The following MAST4 variants were observed in gnomAD, a reference collection of about 807,000 sequenced individuals.
MAST4 encodes the protein microtubule-associated serine/threonine-protein kinase 4.
Under a neutral mutation model 162.7 loss-of-function variants are expected in MAST4, and 89 were observed. The ratio of observed to expected loss-of-function variants is 0.55; its 90% confidence interval spans 0.46 to 0.65. MAST4 has a LOEUF of 0.65. MAST4 is among the 30% of genes least tolerant of loss of function. The pLI, the probability that MAST4 is intolerant of heterozygous loss-of-function variation, is 0.00. For missense variants in MAST4, 3,153 were observed against 3,374.0 expected (o/e 0.93, Z 1.62); for synonymous variants, 1,479 against 1,361.1 (o/e 1.09, Z -1.91).
intron 24 of MAST4, among the ~76,000 whole-genome samples, chr5:67,149,823 C>T (rs1339820405): frequency 6.6e-6 from 1 of 152,186 alleles, no homozygotes; most frequent in Admixed American, 6.5e-5. Flanking sequence ...ATCAGGGGTA[C>T]AAGAGAGGCT....
At chr5:66,872,406 G>A (rs1378455243) in intron 3 of MAST4, among the ~76,000 whole-genome samples, 2 of 152,130 alleles carry the variant, frequency 1.3e-5, no homozygotes, top group Non-Finnish European at 2.9e-5. Context: ...CTGACCTCAG[G>A]TGATCCACCT....
At chr5:66,603,106 C>T (rs2149384178) in intron 1 of MAST4, among the ~76,000 whole-genome samples, 1 of 152,220 alleles carries the variant, frequency 6.6e-6, no homozygotes, top group East Asian at 1.9e-4. Context: ...CCTACAAGTC[C>T]CTTGCCTGAT....
chr5:66,842,660 C>T (rs1299941549), intron 3 of MAST4, among the ~76,000 whole-genome samples: 1 of 152,142 alleles, frequency 6.6e-6, no homozygotes, highest in African/African-American at 2.4e-5. Flanking sequence ...TGGATATTAA[C>T]TTCTGGGTGC....
intron 25 of MAST4, 127 bp from the exon 26 acceptor site, chr5:67,153,331 A>T (rs1581739963): frequency 1.0e-6 from 1 of 956,364 alleles, no homozygotes; most frequent in East Asian, 2.9e-5. Context: ...TAGTAAACGT[A>T]CCTGTTAGAT....
At chr5:67,060,042 C>T (rs1469604553) in intron 5 of MAST4, among the ~76,000 whole-genome samples, 3 of 152,182 alleles carry the variant, frequency 2.0e-5, no homozygotes, top group Non-Finnish European at 2.9e-5. Flanking sequence ...ACAAATAAAA[C>T]TCAGCTTGTA....
chr5:66,837,906 T>A (rs1216415048), intron 3 of MAST4, among the ~76,000 whole-genome samples: 1,573 of 81,158 alleles, frequency 0.019, 9 homozygotes, highest in East Asian at 0.044. Flanking sequence ...TTTTTTTTTT[T>A]TTTTTTTTTT....
intron 23 of MAST4, among the ~76,000 whole-genome samples, chr5:67,148,788 A>G (rs1771413880): frequency 6.6e-6 from 1 of 152,164 alleles, no homozygotes; most frequent in African/African-American, 2.4e-5. Context: ...AAGGAGGCAT[A>G]TGGCCTGAGA....
intron 14 of MAST4, among the ~76,000 whole-genome samples, chr5:67,129,056 A>G (rs192259708): frequency 1.3e-5 from 2 of 152,234 alleles, no homozygotes; most frequent in East Asian, 3.9e-4. Flanking sequence ...CTTTACCTAG[A>G]CATAATTGGC....
At chr5:66,616,375 G>A (rs975231640) in intron 1 of MAST4, among the ~76,000 whole-genome samples, 3 of 152,132 alleles carry the variant, frequency 2.0e-5, no homozygotes, top group Admixed American at 6.5e-5. Flanking sequence ...AGTATGAGAT[G>A]TTCAAATAAT....
At chr5:67,080,695 A>T (rs575213110) in intron 5 of MAST4, among the ~76,000 whole-genome samples, 17 of 151,896 alleles carry the variant, frequency 1.1e-4, no homozygotes, top group Non-Finnish European at 2.2e-4. Context: ...CAGTTGTTGA[A>T]TCTAGATCCC....
At chr5:66,891,702 C>A (rs569081821) in intron 3 of MAST4, among the ~76,000 whole-genome samples, 5 of 152,312 alleles carry the variant, frequency 3.3e-5, no homozygotes, top group African/African-American at 1.2e-4. Context: ...GTTCTCTCTT[C>A]TGGAATTCCC....
In MAST4 at chr5:66,741,197, C is replaced by T. The variant is rs1207373183; in HGVS notation, c.364-18512C>T. Among the ~76,000 whole-genome samples the T allele has an allele frequency of 2.6e-5, 4 of 152,144 alleles. No homozygotes were observed. The South Asian group carries it at 6.2e-4, about 24-fold the overall frequency. Reference sequence around the variant, plus strand: ...CTTCCTTTGGGTCTTTGTTCAAATGCCCCCCTCTTCAGAGCAGTCTTCTCT... The same window carrying T: ...CTTCCTTTGGGTCTTTGTTCAAATGTCCCCCTCTTCAGAGCAGTCTTCTCT... On this transcript the variant is annotated intron_variant, in intron 1 of 28. Coordinates refer to ENST00000403625, the MANE Select transcript of MAST4 (RefSeq NM_001164664.2).
intron 4 of MAST4, among the ~76,000 whole-genome samples, chr5:66,974,228 A>G (rs1263404902): frequency 6.6e-6 from 1 of 152,176 alleles, no homozygotes; most frequent in Non-Finnish European, 1.5e-5. Flanking sequence ...ATCCTACCCA[A>G]CTAGCATGAA....
intron 16 of MAST4, 127 bp from the exon 17 acceptor site, chr5:67,133,387 G>T: frequency 1.0e-6 from 1 of 999,688 alleles, no homozygotes. Flanking sequence ...TTCCAGGCTG[G>T]GTTTTGTAAT....
In MAST4 at chr5:66,624,738, C is replaced by A. The variant is rs544344002; in HGVS notation, c.363+27720C>A. 6.6e-5 allele frequency among the ~76,000 whole-genome samples: 10 copies of A among 152,252 alleles called. 1 individual carries two copies. Among genetic ancestry groups the A allele is most frequent in the African/African-American group, 2.4e-4 (10 of 41,554 alleles). On this transcript the variant is annotated intron_variant, in intron 1 of 28. Transcript: ENST00000403625. ...AAGAATAGAGAGCCCAGAAATAAAC[C>A]TACATATTTATGGTCAACAATTTCT...
intron 4 of MAST4, among the ~76,000 whole-genome samples, chr5:67,019,622 C>T (rs928430188): frequency 6.6e-6 from 1 of 152,168 alleles, no homozygotes; most frequent in African/African-American, 2.4e-5. Context: ...TGGGGAAAAC[C>T]ATTATTTAAT....
At chr5:67,109,413 A>C (rs1208746347) in intron 10 of MAST4, among the ~76,000 whole-genome samples, 12 of 152,142 alleles carry the variant, frequency 7.9e-5, no homozygotes, top group Admixed American at 7.9e-4. Context: ...GTGTACATGA[A>C]ACATAAATGA....
intron 3 of MAST4, among the ~76,000 whole-genome samples, chr5:66,843,521 T>C (rs1025187784): frequency 6.6e-6 from 1 of 152,174 alleles, no homozygotes; most frequent in Non-Finnish European, 1.5e-5. Context: ...CTAATGCCTA[T>C]TGGTGCTAGC....
chr5:67,127,219 A>G (rs576967775), intron 14 of MAST4, among the ~76,000 whole-genome samples: 7 of 152,250 alleles, frequency 4.6e-5, no homozygotes, highest in Admixed American at 1.3e-4. Context: ...ATTGAATACA[A>G]TTTATTTCTT....
Sources: gnomAD v4.1 joint callset for allele counts (sites outside exome capture counted in the v4.1 genomes callset) on GRCh38, gnomAD v4.1.1 for gene constraint, MANE v1.5 for transcripts, NCBI Gene and HGNC (gene_info 2026-07-23, HGNC 2026-07-21) for gene names.